CROCC2: variants seen among roughly 807,000 people sequenced by gnomAD.
The protein encoded by CROCC2 is ciliary rootlet coiled-coil protein 2.
In CROCC2, 163 loss-of-function variants were observed where a neutral mutation model predicts 177.6. The observed-to-expected ratio is 0.92, with a 90% CI of 0.81 to 1.05. CROCC2 has a LOEUF of 1.05. Ranked by LOEUF, CROCC2 falls within the 50% of genes least tolerant of loss-of-function variation. The probability of loss-of-function intolerance (pLI) is 0.00; values close to 1 mark genes in which losing one functional copy is unlikely to be tolerated. For synonymous variants in CROCC2, 904 were observed against 787.3 expected (o/e 1.15, Z -2.48); for missense variants, 1,929 against 1,797.8 (o/e 1.07, Z -1.32).
intron 21 of CROCC2, 29 bp from the exon 22 acceptor site, chr2:240,964,437 G>A (rs922019837): frequency 6.5e-7 from 1 of 1,548,028 alleles, no homozygotes; most frequent in African/African-American, 1.4e-5. Flanking sequence ...AGGAGGTGCG[G>A]GGGCCCCAGC....
intron 14 of CROCC2, among the ~76,000 whole-genome samples, chr2:240,942,900 G>A (rs2106466371): frequency 6.6e-6 from 1 of 152,050 alleles, no homozygotes; most frequent in East Asian, 1.9e-4. Context: ...ACTTTCAAAA[G>A]TACTATCTGA....
chr2:240,957,954 C>T, intron 19 of CROCC2: 1 of 984,940 alleles, frequency 1.0e-6, no homozygotes, highest in Non-Finnish European at 1.2e-6. Flanking sequence ...GCCTCTGGCT[C>T]ACAGAGGGGC....
chr2:240,946,269 C>A lies in CROCC2; in HGVS notation c.2363+16C>A, dbSNP rs1343552064. 5.3e-6 allele frequency: 8 copies of A among 1,514,534 alleles called. No individual in the cohort carries two copies. The South Asian group carries it at 8.6e-5, about 16-fold the overall frequency. The allele number at this position is 1,514,534 out of a possible 1,614,324, so 93.8% of individuals were successfully genotyped here. A position where few individuals can be genotyped will look rare whatever the true frequency, so the allele number is the denominator to read the frequency against. On this transcript the variant is annotated intron_variant, in intron 15 of 31. Coordinates refer to ENST00000690015, the MANE Select transcript of CROCC2 (RefSeq NM_001351305.2). ...CTGATCTCAGGTATGCAAGGGCCTG[C>A]CAGTCAGGGCATGTCCCACGTGTCC...
Position 240,933,243 on chromosome 2 carries a change from C to T in CROCC2, c.1364C>T (p.Ala455Val). ...GCACAGAAGCTCCAGCAGGAGCGGG[C>T]TCGGGAGCAGGCACGGGAACGAGAG... ...WAAQKLQQER[A>V]REQAREREAL... Residue 455 changes from alanine to valine, a missense_variant, in exon 10 of 32, where the codon GCT becomes GTT. By Grantham distance (64) the Ala-to-Val change is moderately conservative. Around this residue, in one of 3 missense-constraint regions of CROCC2, gnomAD observed 1,397 missense variants for 1,239.9 expected, o/e 1.13. Coordinates refer to ENST00000690015, the MANE Select transcript of CROCC2 (RefSeq NM_001351305.2). The T allele has an allele frequency of 1.3e-6, 2 of 1,549,342 alleles. No homozygotes were observed. The highest frequency in any genetic ancestry group is 1.7e-6 in the Non-Finnish European group (2 of 1,146,726).
intron 30 of CROCC2, 118 bp from the exon 31 acceptor site, chr2:240,991,078 G>A (rs1417328215): frequency 1.5e-6 from 1 of 646,260 alleles, no homozygotes; most frequent in Non-Finnish European, 2.5e-6. Context: ...ACCTCTCCTT[G>A]GGAGCTGTGG....
At chr2:240,909,590 G>A (rs530539151) in intron 1 of CROCC2, among the ~76,000 whole-genome samples, 1 of 152,336 alleles carries the variant, frequency 6.6e-6, no homozygotes, top group East Asian at 1.9e-4. Flanking sequence ...GTCTGAGGGG[G>A]AATCCCAGGC....
rs988719327 is a variant in CROCC2 at position 240,958,070 on chromosome 2, C to T, written c.2944-1231C>T. On this transcript the variant is annotated intron_variant, in intron 19 of 31. Coordinates refer to ENST00000690015, the MANE Select transcript of CROCC2 (RefSeq NM_001351305.2). The surrounding 1 kb of genome is among the most constrained non-coding windows in gnomAD (Gnocchi z 6.7). Reference sequence around the variant, plus strand: ...CCAGCCAGCCGGCCTTCCTGGGGAGCTCGTTAAGGGTTCCTTTGCCACCTC... The same window carrying T: ...CCAGCCAGCCGGCCTTCCTGGGGAGTTCGTTAAGGGTTCCTTTGCCACCTC... 10 of 985,298 alleles carry T rather than the reference C, an allele frequency of 1.0e-5. No homozygotes were observed. Among genetic ancestry groups the T allele is most frequent in the Admixed American group, 6.1e-5 (1 of 16,272 alleles). 61.0% of individuals were successfully genotyped at this position (985,298 alleles called of 1,614,324 possible). A position where few individuals can be genotyped will look rare whatever the true frequency, so the allele number is the denominator to read the frequency against.
rs376803081 is a variant in CROCC2 at position 240,966,121 on chromosome 2, G to C, written c.3962-104G>C. On this transcript the variant is annotated intron_variant, in intron 24 of 31. Coordinates refer to ENST00000690015, the MANE Select transcript of CROCC2 (RefSeq NM_001351305.2). The stretch of plus-strand genomic sequence containing the variant: ...CAGGCAATTGTAGGAACCTGTGGCC[G>C]TCTCCCCAACCTCCCATGGCTGGGG... The C allele has an allele frequency of 8.7e-6, 11 of 1,260,728 alleles. No homozygotes were observed. The African/African-American group carries it at 1.5e-4, about 18-fold the overall frequency. 78.1% of individuals were successfully genotyped at this position (1,260,728 alleles called of 1,614,324 possible). A position where few individuals can be genotyped will look rare whatever the true frequency, so the allele number is the denominator to read the frequency against.
intron 5 of CROCC2, among the ~76,000 whole-genome samples, chr2:240,927,015 C>T (rs1261173477): frequency 6.6e-6 from 1 of 152,248 alleles, no homozygotes; most frequent in African/African-American, 2.4e-5. Context: ...TCCCTGAGCT[C>T]AGTTTGGCAT....
At chr2:240,954,223 T>C (rs1410209622) in intron 18 of CROCC2, among the ~76,000 whole-genome samples, 1 of 152,166 alleles carries the variant, frequency 6.6e-6, no homozygotes, top group Non-Finnish European at 1.5e-5. Context: ...TCCTTTCTCT[T>C]TGATTCCTCT....
chr2:240,989,256 G>A lies in CROCC2; in HGVS notation c.4683+386G>A, dbSNP rs377221001. Among the ~76,000 whole-genome samples the A allele has an allele frequency of 2.2e-4, 34 of 152,282 alleles. 1 individual carries two copies. In the East Asian group the frequency reaches 3.5e-3, roughly 16 times the overall value. The stretch of plus-strand genomic sequence containing the variant: ...GCCTAGGGGCCTGACACCCACAGAA[G>A]GGGCCTCAGAGGCTTCATTCATCCT... On this transcript the variant is annotated intron_variant, in intron 29 of 31. Transcript: ENST00000690015.
Position 240,963,635 on chromosome 2 carries a change from A to T in CROCC2, c.3167A>T (p.Glu1056Val). The change falls in exon 21 of 32, where the codon GAG becomes GTG. Residue 1056 changes from glutamate (E) to valine (V), a missense_variant. Around this residue, in one of 3 missense-constraint regions of CROCC2, gnomAD observed 1,397 missense variants for 1,239.9 expected, o/e 1.13. Coordinates refer to ENST00000690015, the MANE Select transcript of CROCC2 (RefSeq NM_001351305.2). ...CGCCAGGAGCTGCAGGGCGTCGAGGAGAGCCGGGAGGGGCTGCACAGGGAG... is the reference window on the plus strand; with the variant it reads ...CGCCAGGAGCTGCAGGGCGTCGAGGTGAGCCGGGAGGGGCTGCACAGGGAG... ...ALRQELQGVE[E>V]SREGLHREAQ... 1 of 1,549,560 alleles carries T rather than the reference A, an allele frequency of 6.5e-7. No individual in the cohort carries two copies. Among genetic ancestry groups the T allele is most frequent in the South Asian group, 1.2e-5 (1 of 83,982 alleles).
chr2:240,928,536 A>G (rs1014044777), intron 5 of CROCC2, among the ~76,000 whole-genome samples: 1 of 152,080 alleles, frequency 6.6e-6, no homozygotes, highest in Non-Finnish European at 1.5e-5. Context: ...AGGCCAGCCC[A>G]GCCCTGCATT....
chr2:240,914,262 C>T (rs888593839), intron 1 of CROCC2, among the ~76,000 whole-genome samples: 2 of 152,222 alleles, frequency 1.3e-5, no homozygotes, highest in African/African-American at 4.8e-5. Context: ...AGCAGGTGCT[C>T]TTGAGCAAGT....
At chr2:240,963,868 G>A (rs939876586) in intron 21 of CROCC2, 95 bp downstream of exon 21, 141 of 1,335,858 alleles carry the variant, frequency 1.1e-4, no homozygotes, top group Middle Eastern at 7.8e-4. Flanking sequence ...AGGCAGGGGC[G>A]TCCTGTTGAC....
rs2059857310 is a variant in CROCC2 at position 240,988,782 on chromosome 2, TG to T, written c.4600del (p.Ala1534LeufsTer10). 6 of 1,511,946 alleles carry T rather than the reference TG, an allele frequency of 4.0e-6. No individual in the cohort carries two copies. The highest frequency in any genetic ancestry group is 2.5e-5 in the South Asian group (2 of 79,050). 93.7% of individuals were successfully genotyped at this position (1,511,946 alleles called of 1,614,324 possible). A position where few individuals can be genotyped will look rare whatever the true frequency, so the allele number is the denominator to read the frequency against. On this transcript the variant is annotated frameshift_variant, in exon 29 of 32. Coordinates refer to ENST00000690015, the MANE Select transcript of CROCC2 (RefSeq NM_001351305.2). LOFTEE classifies it high-confidence loss of function. Reference protein sequence around the residue: ...TLKREEDVARLGAEKEQLDQS... With the variant: ...TLKREEDVARXGAEKEQLDQS... ...AAGAGGGAGGAGGATGTGGCGAGGC[TG>T]GGGGCTGAGAAGGAGCAGCTGGACC...
intron 14 of CROCC2, among the ~76,000 whole-genome samples, chr2:240,942,504 ATTGT>A (rs1230613987): frequency 1.3e-5 from 2 of 151,992 alleles, no homozygotes; most frequent in African/African-American, 2.4e-5. Context: ...TATGCTTAAT[ATTGT>A]TTGTTTTTTT....
chr2:240,965,489 G>C lies in CROCC2; in HGVS notation c.3574G>C (p.Glu1192Gln), dbSNP rs1209404170. 6.5e-7 allele frequency: 1 copy of C among 1,550,098 alleles called. No homozygotes were observed. The highest frequency in any genetic ancestry group is 8.7e-7 in the Non-Finnish European group (1 of 1,146,986). The change falls in exon 23 of 32, where the codon GAG becomes CAG. Residue 1192 changes from glutamate (E) to glutamine (Q), a missense_variant. Glu to Gln is a conservative substitution (Grantham distance 29). Around this residue, in one of 3 missense-constraint regions of CROCC2, gnomAD observed 144 missense variants for 205.2 expected, o/e 0.70. Coordinates refer to ENST00000690015, the MANE Select transcript of CROCC2 (RefSeq NM_001351305.2). ...LELRRQAAKAEAKHEGARKEV... is the reference protein window; with the variant it reads ...LELRRQAAKAQAKHEGARKEV... Reference sequence around the variant, plus strand: ...GCTGCGGAGGCAGGCAGCCAAGGCAGAGGCCAAGCACGAGGGTGCCCGGAA... The same window carrying C: ...GCTGCGGAGGCAGGCAGCCAAGGCACAGGCCAAGCACGAGGGTGCCCGGAA...
At chr2:240,910,936 G>T (rs369326139) in intron 1 of CROCC2, among the ~76,000 whole-genome samples, 15 of 152,048 alleles carry the variant, frequency 9.9e-5, no homozygotes, top group East Asian at 3.9e-4. Context: ...TTTGAGACCA[G>T]CCTGGCCAAC....
Sources: allele counts gnomAD v4.1 joint callset (sites outside exome capture counted in the v4.1 genomes callset), GRCh38; gene constraint gnomAD v4.1.1; regional missense constraint gnomAD v4.1.1; non-coding constraint Gnocchi (gnomAD v3.1); transcripts MANE v1.5; gene names NCBI Gene and HGNC (gene_info 2026-07-23, HGNC 2026-07-21).